Variants in CD82 observed in about 807,000 individuals in gnomAD.
CD82 encodes CD82 antigen.
CD82 carries 36 observed loss-of-function variants against 37.4 expected under a neutral mutation model. The ratio of observed to expected loss-of-function variants is 0.96; its 90% CI spans 0.74 to 1.27. The LOEUF is 1.27. CD82 is among the 50% of genes most tolerant of loss of function. CD82 has a pLI of 0.00. For synonymous variants in CD82, 158 were observed against 137.4 expected, an observed-to-expected ratio of 1.15 and a Z score of -1.05; for missense variants, 340 against 347.0, an observed-to-expected ratio of 0.98 and a Z score of 0.16.
intron 1 of CD82, chr11:44,587,269 GGT>G: frequency 5.6e-6 from 2 of 355,302 alleles, no homozygotes; most frequent in Non-Finnish European, 1.1e-5. Flanking sequence ...CCCTCAGGTA[GGT>G]ATAAGGACCT....
intron 1 of CD82, among the ~76,000 whole-genome samples, chr11:44,583,679 G>A (rs1853012977): frequency 6.6e-6 from 1 of 152,228 alleles, no homozygotes; most frequent in Non-Finnish European, 1.5e-5. Context: ...AGCCACTTGT[G>A]TGGCCTTAGG....
chr11:44,604,941 T>TG, intron 4 of CD82, 117 bp from the exon 5 acceptor site: 1 of 1,424,502 alleles, frequency 7.0e-7, no homozygotes, highest in South Asian at 1.2e-5. Context: ...AGCAGGGGAA[T>TG]GCAGCTGACC....
At chr11:44,584,986 G>T (rs531330624) in intron 1 of CD82, among the ~76,000 whole-genome samples, 2 of 152,182 alleles carry the variant, frequency 1.3e-5, no homozygotes, top group South Asian at 2.1e-4. Context: ...CTTTCTGCCC[G>T]ACTGGGCAGA....
At chr11:44,605,717 C>T (rs1265015981) in intron 6 of CD82, among the ~76,000 whole-genome samples, 1 of 152,192 alleles carries the variant, frequency 6.6e-6, no homozygotes, top group Non-Finnish European at 1.5e-5. Flanking sequence ...GTTCCACCAT[C>T]TGTAAAATGG....
At chr11:44,611,127 G>A (rs1245883941) in intron 6 of CD82, among the ~76,000 whole-genome samples, 5 of 152,158 alleles carry the variant, frequency 3.3e-5, no homozygotes, top group Non-Finnish European at 7.3e-5. Flanking sequence ...GAGCCACCAC[G>A]CCCAGCTGAA....
At chr11:44,618,107 C>A in intron 7 of CD82, 55 bp from the exon 8 acceptor site, 1 of 1,542,014 alleles carries the variant, frequency 6.5e-7, no homozygotes, top group Non-Finnish European at 8.9e-7. Context: ...GCCAGGAGGG[C>A]AGCCTGCCTA....
intron 1 of CD82, among the ~76,000 whole-genome samples, chr11:44,581,412 G>A (rs1181278646): frequency 6.6e-6 from 1 of 152,202 alleles, no homozygotes; most frequent in African/African-American, 2.4e-5. Flanking sequence ...GCCACGTGAA[G>A]GACTTGGCAC....
chr11:44,572,512 G>A (rs933557365), intron 1 of CD82, among the ~76,000 whole-genome samples: 17 of 152,176 alleles, frequency 1.1e-4, no homozygotes, highest in Non-Finnish European at 1.9e-4. Flanking sequence ...TCGAAGGAGG[G>A]ATGGGATGTT....
chr11:44,613,603 A>C (rs1853518369), intron 6 of CD82, among the ~76,000 whole-genome samples: 1 of 152,074 alleles, frequency 6.6e-6, no homozygotes, highest in Admixed American at 6.5e-5. Flanking sequence ...TGGGTGGATC[A>C]CTTGAGGTCA....
chr11:44,619,500 C>T lies in CD82; in HGVS notation c.*374C>T, dbSNP rs540960667. 29 of 176,236 alleles carry T rather than the reference C, an allele frequency of 1.6e-4. No homozygotes were observed. The highest frequency in any genetic ancestry group is 4.8e-4 in the South Asian group (4 of 8,330). 10.9% of individuals were successfully genotyped at this position (176,236 alleles called of 1,614,324 possible). A position where few individuals can be genotyped will look rare whatever the true frequency, so the allele number is the denominator to read the frequency against. On this transcript the variant is annotated 3_prime_UTR_variant, in exon 10 of 10. Transcript: ENST00000227155. ...GGAGGGGGCCGGGCGCGGTGGCTCA[C>T]GCCTGTAATCCCAGCACTTTGGGAG...
At chr11:44,572,421 A>G (rs1413812154) in intron 1 of CD82, among the ~76,000 whole-genome samples, 1 of 152,282 alleles carries the variant, frequency 6.6e-6, no homozygotes, top group Admixed American at 6.5e-5. Flanking sequence ...TAAAAAACAT[A>G]CCACACATAT....
chr11:44,564,886 C>T (rs1026921719), upstream of CD82, among the ~76,000 whole-genome samples: 3 of 152,228 alleles, frequency 2.0e-5, no homozygotes, highest in African/African-American at 7.2e-5. Context: ...TTAAACTGCG[C>T]ATTAGTAAAA....
intron 5 of CD82, 86 bp downstream of exon 5, chr11:44,605,268 G>T: frequency 6.2e-7 from 1 of 1,609,464 alleles, no homozygotes; most frequent in Non-Finnish European, 8.5e-7. Context: ...CCGTAACATC[G>T]GGTGGAGAGC....
intron 2 of CD82, among the ~76,000 whole-genome samples, chr11:44,594,133 TA>T (rs1251949068): frequency 6.6e-6 from 1 of 152,222 alleles, no homozygotes; most frequent in Non-Finnish European, 1.5e-5. Flanking sequence ...ATTCCCTTTG[TA>T]ATAAGAAGCT....
chr11:44,574,725 A>G (rs769990815), intron 1 of CD82, among the ~76,000 whole-genome samples: 1 of 152,194 alleles, frequency 6.6e-6, no homozygotes, highest in Non-Finnish European at 1.5e-5. Flanking sequence ...ACACACACAT[A>G]CAAGATTGGG....
At position 44,601,911 on chromosome 11, in the gene CD82, G is replaced by T. The variant is rs529362768; in HGVS notation, c.136+1681G>T. Among the ~76,000 whole-genome samples the T allele has an allele frequency of 9.9e-5, 15 of 152,260 alleles. No individual in the cohort carries two copies. The South Asian group carries it at 1.9e-3, about 19-fold the overall frequency. On this transcript the variant is annotated intron_variant, in intron 4 of 9. Coordinates refer to ENST00000227155, the MANE Select transcript of CD82 (RefSeq NM_002231.4). ...TAGGCACTTGTGTAAACTGAGGCCG[G>T]GGGTGGGGAAAAATGACTTGCTAAT...
intron 6 of CD82, among the ~76,000 whole-genome samples, chr11:44,607,825 G>A (rs759373244): frequency 7.9e-5 from 12 of 152,242 alleles, no homozygotes; most frequent in African/African-American, 9.6e-5. Context: ...CCCTCCCGCC[G>A]GCTGGGTAAC....
At chr11:44,572,391 C>A (rs536655079) in intron 1 of CD82, among the ~76,000 whole-genome samples, 5 of 152,142 alleles carry the variant, frequency 3.3e-5, no homozygotes, top group Non-Finnish European at 5.9e-5. Context: ...AAGAAAAAAC[C>A]CATTCATACA....
In CD82 at chr11:44,605,815, T is replaced by C. The variant is rs567060076; in HGVS notation, c.336+386T>C. Among the ~76,000 whole-genome samples the C allele has an allele frequency of 3.3e-5, 5 of 152,360 alleles. No homozygotes were observed. The South Asian group carries it at 1.0e-3, about 32-fold the overall frequency. On this transcript the variant is annotated intron_variant, in intron 6 of 9. Coordinates refer to ENST00000227155, the MANE Select transcript of CD82 (RefSeq NM_002231.4). ...AACACATAGCGCATGGCACCATAAG[T>C]ACTCAATAAATGTTATTCTTGTTAT...
Sources: allele counts gnomAD v4.1 joint callset (sites outside exome capture counted in the v4.1 genomes callset), GRCh38; gene constraint gnomAD v4.1.1; transcripts MANE v1.5; gene names NCBI Gene and HGNC (gene_info 2026-07-23, HGNC 2026-07-21).